PFAS: variants seen among roughly 807,000 people sequenced by gnomAD.
The protein encoded by PFAS is FGAM synthase.
Under a neutral mutation model 140.6 loss-of-function variants are expected in PFAS, and 97 were observed. The observed-to-expected ratio is 0.69, with a 90% confidence interval of 0.59 to 0.82. The LOEUF is 0.82. Among genes scored for constraint, PFAS ranks in the 40% least tolerant of loss-of-function variants. PFAS has a pLI of 0.00. For synonymous variants in PFAS, 679 were observed against 718.8 expected (o/e 0.94, Z 0.88); for missense variants, 1,656 against 1,780.2 (o/e 0.93, Z 1.26).
intron 10 of PFAS, 44 bp downstream of exon 10, chr17:8,257,982 T>G (rs1989440470): frequency 6.2e-7 from 1 of 1,612,224 alleles, no homozygotes; most frequent in Admixed American, 1.7e-5. Context: ...CAGAGGGGCT[T>G]GTGGGTGGGG....
At position 8,269,234 on chromosome 17, in the gene PFAS, C is replaced by T. The variant is rs770429108; in HGVS notation, c.3987C>T (p.Ala1329=). The change falls in exon 28 of 28, where the codon GCC becomes GCT. Residue 1329 remains alanine (A), a synonymous_variant. Transcript: ENST00000314666. ...CCTGGCTCCAGCTCTTTATCAATGC[C>T]CGAAACTGGACCCTGGAAGGGAGCT... ...TSPWLQLFIN[A]RNWTLEGSC is the part of the protein sequence containing the mutation. The T allele has an allele frequency of 6.2e-7, 1 of 1,611,482 alleles. No individual in the cohort carries two copies. The highest frequency in any genetic ancestry group is 2.2e-5 in the East Asian group (1 of 44,828).
At chr17:8,251,313 G>C (rs371414745) in intron 1 of PFAS, among the ~76,000 whole-genome samples, 1 of 152,060 alleles carries the variant, frequency 6.6e-6, no homozygotes, top group African/African-American at 2.4e-5. Context: ...ACGGGGTCTT[G>C]CTCTGTCACC....
intron 1 of PFAS, among the ~76,000 whole-genome samples, chr17:8,253,443 A>T (rs1989235691): frequency 6.6e-6 from 1 of 152,164 alleles, no homozygotes; most frequent in Non-Finnish European, 1.5e-5. Context: ...GTTTCTCTAA[A>T]TGTCCATATT....
chr17:8,268,445 A>G, intron 26 of PFAS, 88 bp from the exon 27 acceptor site: 1 of 859,738 alleles, frequency 1.2e-6, no homozygotes, highest in Admixed American at 2.6e-5. Context: ...GAAAAAAGAA[A>G]AGAAACAGAG....
intron 11 of PFAS, among the ~76,000 whole-genome samples, chr17:8,261,340 A>G (rs1989584182): frequency 6.7e-6 from 1 of 149,806 alleles, no homozygotes; most frequent in Non-Finnish European, 1.5e-5. Context: ...GGGTTCAAGC[A>G]ATTCCCCTGC....
Position 8,257,903 on chromosome 17 carries a change from A to G in PFAS, c.1172A>G (p.Asp391Gly). The change falls in exon 10 of 28, where the codon GAC (aspartate) becomes GGC (glycine). Residue 391 changes from aspartate to glycine, a missense_variant. Asp to Gly is a moderately conservative substitution (Grantham distance 94). Transcript: ENST00000314666. ...ATTGAAGCCAGTAATGGAGCTTCTG[A>G]CTATGGCAACAAGTTTGGGGAACCA... ...VAIEASNGAS[D>G]YGNKFGEPVL... 6.2e-7 allele frequency: 1 copy of G among 1,614,124 alleles called. No homozygotes were observed.
chr17:8,264,365 T>C (rs754659102), intron 16 of PFAS, 28 bp downstream of exon 16: 20 of 1,612,824 alleles, frequency 1.2e-5, no homozygotes, highest in Non-Finnish European at 1.6e-5. Context: ...GATGGGTTTT[T>C]CCTGTGGTCC....
At position 8,265,856 on chromosome 17, in the gene PFAS, C is replaced by T; in HGVS notation, c.2546-6C>T. The T allele has an allele frequency of 6.3e-7, 1 of 1,594,956 alleles. No homozygotes were observed. Among genetic ancestry groups the T allele is most frequent in the Non-Finnish European group, 8.6e-7 (1 of 1,168,596 alleles). On this transcript the variant is annotated splice_polypyrimidine_tract_variant and splice_region_variant and intron_variant, in intron 20 of 27. Transcript: ENST00000314666. Reference sequence around the variant, plus strand: ...CCCCTCCCCTCACCCCTCCCCGTCTCCCCAGGCCATCTGCTCTATGTGGCT... The same window carrying T: ...CCCCTCCCCTCACCCCTCCCCGTCTTCCCAGGCCATCTGCTCTATGTGGCT...
Position 8,268,589 on chromosome 17 carries a change from C to T in PFAS, c.3439C>T (p.Arg1147Trp), listed in dbSNP as rs141468651. 1.5e-5 allele frequency: 24 copies of T among 1,612,882 alleles called. No individual in the cohort carries two copies. The African/African-American group carries it at 1.7e-4, about 12-fold the overall frequency. Residue 1147 changes from arginine to tryptophan, a missense_variant, in exon 27 of 28, where the codon CGG (arginine) becomes TGG (tryptophan). Coordinates refer to ENST00000314666, the MANE Select transcript of PFAS (RefSeq NM_012393.3). ...PRAGAELRRF[R>W]KRPDTFSLGV... Reference sequence around the variant, plus strand: ...GGCTGGGGCTGAGCTGAGGCGCTTCCGGAAGCGGCCAGACACCTTCAGCCT... The same window carrying T: ...GGCTGGGGCTGAGCTGAGGCGCTTCTGGAAGCGGCCAGACACCTTCAGCCT...
intron 11 of PFAS, among the ~76,000 whole-genome samples, chr17:8,261,235 C>T (rs1222629352): frequency 6.6e-6 from 1 of 151,092 alleles, no homozygotes; most frequent in Non-Finnish European, 1.5e-5. Flanking sequence ...TGTTTTCTTT[C>T]TTTCTTTTTT....
rs552169897 is a variant in PFAS, at chr17:8,268,779, G to A, written c.3629G>A (p.Arg1210His). Residue 1210 changes from arginine to histidine, a missense_variant, in exon 27 of 28, where the codon CGT (arginine) becomes CAT (histidine). Physicochemically the swap from Arg to His is conservative, Grantham distance 29. Coordinates refer to ENST00000314666, the MANE Select transcript of PFAS (RefSeq NM_012393.3). ...TACGAGTCTCGCTGGGCCAGCGTGC[G>A]TGTGGGGCCTGGGCCAGCCCTGATG... ...GRYESRWASVRVGPGPALMLR... is the reference protein window; with the variant it reads ...GRYESRWASVHVGPGPALMLR... The A allele has an allele frequency of 1.4e-5, 22 of 1,609,984 alleles. No individual in the cohort carries two copies. The highest frequency in any genetic ancestry group is 1.7e-4 in the Middle Eastern group (1 of 6,058).
intron 6 of PFAS, among the ~76,000 whole-genome samples, 157 bp from the exon 7 acceptor site, chr17:8,256,110 A>C (rs1015521774): frequency 6.6e-6 from 1 of 152,204 alleles, no homozygotes; most frequent in African/African-American, 2.4e-5. Context: ...AAAATGACAG[A>C]ATACTTGAAG....
Position 8,262,956 on chromosome 17 carries a change from G to C in PFAS, c.1373G>C (p.Arg458Thr), listed in dbSNP as rs1274267993. 6.2e-7 allele frequency: 1 copy of C among 1,614,040 alleles called. No individual in the cohort carries two copies. Among genetic ancestry groups the C allele is most frequent in the African/African-American group, 1.3e-5 (1 of 74,916 alleles). Residue 458 changes from arginine (R) to threonine (T), a missense_variant, in exon 12 of 28, where the codon AGG (arginine) becomes ACG (threonine). By Grantham distance (71) the Arg-to-Thr change is moderately conservative. Around this residue, in one of 2 missense-constraint regions of PFAS, gnomAD observed 773 missense variants for 757.3 expected, o/e 1.02. Coordinates refer to ENST00000314666, the MANE Select transcript of PFAS (RefSeq NM_012393.3). ...EVVKVGGPVY[R>T]IGVGGGAASS... ...GTAAAGGTTGGAGGTCCCGTCTACA[G>C]GATTGGAGTTGGAGGTGGAGCTGCT...
upstream of PFAS, chr17:8,247,827 G>A (rs1988887747): frequency 4.7e-6 from 3 of 640,066 alleles, no homozygotes; most frequent in Middle Eastern, 3.1e-4. Context: ...GCGTGAATGA[G>A]GGAATAAACA....
upstream of PFAS, chr17:8,248,112 T>C: frequency 9.6e-7 from 1 of 1,043,758 alleles, no homozygotes; most frequent in Admixed American, 2.0e-5. Flanking sequence ...GGGCGCTCGG[T>C]GACGTCACCG....
intron 26 of PFAS, among the ~76,000 whole-genome samples, chr17:8,268,296 C>A (rs1989911938): frequency 6.9e-6 from 1 of 145,862 alleles, no homozygotes; most frequent in African/African-American, 2.5e-5. Flanking sequence ...TCGCTTGAAC[C>A]CAGGAGGCAG....
Position 8,267,757 on chromosome 17 carries a change from A to G in PFAS, c.3382+92A>G. On this transcript the variant is annotated intron_variant, in intron 26 of 27. Coordinates refer to ENST00000314666, the MANE Select transcript of PFAS (RefSeq NM_012393.3). This position sits in a 1 kb window ranked among gnomAD's most constrained non-coding sequence, Gnocchi z 4.9. The stretch of plus-strand genomic sequence containing the variant: ...TTCCTGGGCTGGGGATTGGCCTCTC[A>G]CTCCACCGAGCTACGAGAGAGTGGG... 3.0e-6 allele frequency: 2 copies of G among 670,090 alleles called. No individual in the cohort carries two copies. Among genetic ancestry groups the G allele is most frequent in the Non-Finnish European group, 5.1e-6 (2 of 389,816 alleles). The allele number at this position is 670,090 out of a possible 1,614,324, so 41.5% of individuals were successfully genotyped here.
At chr17:8,248,656 C>G (rs1332071003), upstream of PFAS, among the ~76,000 whole-genome samples, 6 of 151,996 alleles carry the variant, frequency 3.9e-5, no homozygotes, top group African/African-American at 1.5e-4. Context: ...CTCCCGGGCT[C>G]AAGCGATCCT....
At chr17:8,263,290 G>A in intron 13 of PFAS, 25 bp downstream of exon 13, 1 of 1,613,120 alleles carries the variant, frequency 6.2e-7, no homozygotes, top group Non-Finnish European at 8.5e-7. Context: ...TGGAACAAGA[G>A]ACTGGGCCTG....
Sources: gnomAD v4.1 joint callset for allele counts (sites outside exome capture counted in the v4.1 genomes callset) on GRCh38, gnomAD v4.1.1 for gene constraint, gnomAD v4.1.1 regional missense constraint, Gnocchi (gnomAD v3.1) non-coding constraint, MANE v1.5 for transcripts, NCBI Gene and HGNC (gene_info 2026-07-23, HGNC 2026-07-21) for gene names.